The following ADAMTS2 variants were observed in gnomAD, a reference collection of about 807,000 sequenced individuals.
The protein encoded by ADAMTS2 is A disintegrin and metalloproteinase with thrombospondin motifs 2.
ADAMTS2 carries 50 observed loss-of-function variants against 123.0 expected under a neutral mutation model. The ratio of observed to expected loss-of-function variants is 0.41; its 90% CI spans 0.32 to 0.51. ADAMTS2 has a LOEUF of 0.51. ADAMTS2 is among the 20% of genes least tolerant of loss of function. ADAMTS2 has a pLI of 0.35. For synonymous variants in ADAMTS2, 678 were observed against 695.4 expected (o/e 0.98, Z 0.39); for missense variants, 1,494 against 1,705.2 (o/e 0.88, Z 2.18).
chr5:179,148,104 A>G (rs1763285468), intron 10 of ADAMTS2, among the ~76,000 whole-genome samples: 1 of 152,064 alleles, frequency 6.6e-6, no homozygotes, highest in South Asian at 2.1e-4. Flanking sequence ...GGCTGGCATC[A>G]AAGACTCGGT....
chr5:179,251,164 T>C (rs1765914231), intron 3 of ADAMTS2, among the ~76,000 whole-genome samples: 1 of 152,142 alleles, frequency 6.6e-6, no homozygotes, highest in Admixed American at 6.5e-5. Flanking sequence ...TCTCTGAGCC[T>C]TCCATCCCTT....
rs536569764 is a variant in ADAMTS2, at chr5:179,125,572, C to T, written c.2751-392G>A. ...GCAGAGCTCAAGAGCAGTGTGGATT[C>T]CCTCAGCACGCTGTCCTATGTGGCC... On this transcript the variant is annotated intron_variant, in intron 18 of 21. Coordinates refer to ENST00000251582, the MANE Select transcript of ADAMTS2 (RefSeq NM_014244.5). Among the ~76,000 whole-genome samples the T allele has an allele frequency of 7.4e-4, 113 of 152,310 alleles. 1 individual carries two copies. The highest frequency in any genetic ancestry group is 2.6e-3 in the African/African-American group (110 of 41,568).
chr5:179,208,880 C>T (rs1418101240), intron 3 of ADAMTS2, among the ~76,000 whole-genome samples: 1 of 152,206 alleles, frequency 6.6e-6, no homozygotes, highest in East Asian at 1.9e-4. Flanking sequence ...TGCAGGTCAT[C>T]GTGACATCAC....
At position 179,332,128 on chromosome 5, in the gene ADAMTS2, T is replaced by C. The variant is rs187883574; in HGVS notation, c.534+11639A>G. Among the ~76,000 whole-genome samples, 107 of 152,364 alleles carry C rather than the reference T, an allele frequency of 7.0e-4. No individual in the cohort carries two copies. Among genetic ancestry groups the C allele is most frequent in the Middle Eastern group, 3.4e-3 (1 of 294 alleles). On this transcript the variant is annotated intron_variant, in intron 2 of 21. Transcript: ENST00000251582. This position sits in a 1 kb window ranked among gnomAD's most constrained non-coding sequence, Gnocchi z 4.2. ...AATCAGACAGACATGTGTTCATTAA[T>C]AGAACAGATCACAGAACTCAGGGAG...
intron 2 of ADAMTS2, 99 bp from the exon 3 acceptor site, chr5:179,273,163 G>A: frequency 6.4e-7 from 1 of 1,560,548 alleles, no homozygotes; most frequent in Admixed American, 1.7e-5. Context: ...CCCACCTGAA[G>A]ACCCTGCCCA....
At chr5:179,174,011 T>G (rs1337859037) in intron 5 of ADAMTS2, among the ~76,000 whole-genome samples, 3 of 116,092 alleles carry the variant, frequency 2.6e-5, no homozygotes, top group African/African-American at 1.1e-4. Context: ...AGACTCCATC[T>G]CAAAAAAAAA....
Position 179,155,970 on chromosome 5 carries a change from T to G in ADAMTS2, c.1133-1051A>C, listed in dbSNP as rs1337196172. Among the ~76,000 whole-genome samples the G allele has an allele frequency of 6.6e-6, 1 of 152,160 alleles. No individual in the cohort carries two copies. Among genetic ancestry groups the G allele is most frequent in the African/African-American group, 2.4e-5 (1 of 41,430 alleles). On this transcript the variant is annotated intron_variant, in intron 6 of 21. Transcript: ENST00000251582. This position sits in a 1 kb window ranked among gnomAD's most constrained non-coding sequence, Gnocchi z 5.1. ...GAAGCATCGTGATCTAACCCTTGTCTTTTCCCGTTGTAATAAACAGGAAAA... is the reference window on the plus strand; with the variant it reads ...GAAGCATCGTGATCTAACCCTTGTCGTTTCCCGTTGTAATAAACAGGAAAA...
rs1764019954 is a variant in ADAMTS2, at chr5:179,180,475, GC to G, written c.975+596del. On this transcript the variant is annotated intron_variant, in intron 5 of 21. Coordinates refer to ENST00000251582, the MANE Select transcript of ADAMTS2 (RefSeq NM_014244.5). The surrounding 1 kb of genome is among the most constrained non-coding windows in gnomAD (Gnocchi z 4.6). ...GAGCCTTGCTGACTCTGGAGGGACT[GC>G]CCCGCTAAGTGGTAACCAATCTTTA... 6.6e-6 allele frequency among the ~76,000 whole-genome samples: 1 copy of G among 152,200 alleles called. No homozygotes were observed. The highest frequency in any genetic ancestry group is 1.5e-5 in the Non-Finnish European group (1 of 68,034).
intron 4 of ADAMTS2, among the ~76,000 whole-genome samples, chr5:179,184,433 C>T (rs542098479): frequency 6.6e-6 from 1 of 151,322 alleles, no homozygotes; most frequent in East Asian, 1.9e-4. Context: ...ATCACTTGAA[C>T]CCAGGAGGCG....
At chr5:179,153,909 G>A in intron 8 of ADAMTS2, 140 bp downstream of exon 8, 1 of 1,248,976 alleles carries the variant, frequency 8.0e-7, no homozygotes, top group Non-Finnish European at 1.1e-6. Flanking sequence ...TCACAGGTGT[G>A]CCCTCTCTCC....
At chr5:179,152,048 ACCCCCACTT>A in intron 10 of ADAMTS2, 85 bp downstream of exon 10, 1 of 1,165,142 alleles carries the variant, frequency 8.6e-7, no homozygotes, top group Non-Finnish European at 1.3e-6. Flanking sequence ...GAGGGCCCCC[ACCCCCACTT>A]CAGGGCCTGT....
At chr5:179,152,072 G>A in intron 10 of ADAMTS2, 70 bp downstream of exon 10, 1 of 1,425,462 alleles carries the variant, frequency 7.0e-7, no homozygotes, top group Non-Finnish European at 9.9e-7. Flanking sequence ...GCCTGTCCCT[G>A]GTGACCCGGG....
Position 179,201,175 on chromosome 5 carries a change from A to G in ADAMTS2, c.891+6338T>C, listed in dbSNP as rs115457076. On this transcript the variant is annotated intron_variant, in intron 4 of 21. Transcript: ENST00000251582. ...AATAGATGAAACCATAACAGAGAAC[A>G]TTCCAGTGTAGAAAGCTTAAAAAAT... Among the ~76,000 whole-genome samples, 888 of 152,292 alleles carry G rather than the reference A, an allele frequency of 5.8e-3. 13 individuals carry two copies. Among genetic ancestry groups the G allele is most frequent in the African/African-American group, 0.02 (848 of 41,568 alleles).
chr5:179,271,493 C>G (rs1453613790), intron 3 of ADAMTS2, among the ~76,000 whole-genome samples: 2 of 152,246 alleles, frequency 1.3e-5, no homozygotes. Flanking sequence ...AGCTGGGGCC[C>G]TGCCCCCGGG....
At chr5:179,310,017 G>A (rs1009118893) in intron 2 of ADAMTS2, among the ~76,000 whole-genome samples, 5 of 152,284 alleles carry the variant, frequency 3.3e-5, no homozygotes, top group African/African-American at 1.2e-4. Context: ...AGTAGCCTGC[G>A]GCCCTGGGGA....
At chr5:179,206,792 C>T (rs111996476) in intron 4 of ADAMTS2, among the ~76,000 whole-genome samples, 26 of 152,322 alleles carry the variant, frequency 1.7e-4, no homozygotes, top group African/African-American at 6.0e-4. Context: ...CATCCTGGCA[C>T]CTCCTGCTTA....
intron 3 of ADAMTS2, among the ~76,000 whole-genome samples, chr5:179,231,196 C>A (rs530957194): frequency 1.3e-5 from 2 of 152,148 alleles, no homozygotes; most frequent in African/African-American, 2.4e-5. Flanking sequence ...TGTAATCAAA[C>A]GCATGAAAGC....
At chr5:179,203,531 G>A (rs1395217858) in intron 4 of ADAMTS2, among the ~76,000 whole-genome samples, 4 of 152,216 alleles carry the variant, frequency 2.6e-5, no homozygotes, top group Non-Finnish European at 4.4e-5. Context: ...GTTGTGGTTC[G>A]AGGCCCCCAT....
chr5:179,276,181 G>T (rs1766690135), intron 2 of ADAMTS2, among the ~76,000 whole-genome samples: 2 of 152,174 alleles, frequency 1.3e-5, no homozygotes, highest in Non-Finnish European at 2.9e-5. Flanking sequence ...CAAAGCTGCA[G>T]GCCACGTCCC....
Sources: allele counts gnomAD v4.1 joint callset (sites outside exome capture counted in the v4.1 genomes callset), GRCh38; gene constraint gnomAD v4.1.1; non-coding constraint Gnocchi (gnomAD v3.1); transcripts MANE v1.5; gene names NCBI Gene and HGNC (gene_info 2026-07-23, HGNC 2026-07-21).